Variants in KCNJ3 observed in about 807,000 individuals in gnomAD.
The protein encoded by KCNJ3 is potassium inwardly rectifying channel subfamily J member 3, also known as G protein-activated inward rectifier potassium channel 1.
KCNJ3 carries 4 observed loss-of-function variants against 39.2 expected under a neutral mutation model. That is an observed-to-expected ratio of 0.10 (90% CI 0.05 to 0.23). KCNJ3 has a LOEUF of 0.23. KCNJ3 is among the 10% of genes least tolerant of loss of function. KCNJ3 has a pLI of 1.00. For missense variants in KCNJ3, 276 were observed against 634.9 expected (o/e 0.43, Z 6.08); for synonymous variants, 230 against 237.4 (o/e 0.97, Z 0.29).
Position 154,857,886 on chromosome 2 carries a change from C to CAAGAAAAAAAAAAA in KCNJ3, c.*2575_*2576insGAAAAAAAAAAAAA, listed in dbSNP as rs1687867142. On this transcript the variant is annotated 3_prime_UTR_variant, in exon 3 of 3. Transcript: ENST00000295101. Reference sequence around the variant, plus strand: ...ACAGTGCGAGACTCCATCTCAACATCAAAAAAAAAAAAAAAAAAAAAAAAA... The same window carrying CAAGAAAAAAAAAAA: ...ACAGTGCGAGACTCCATCTCAACATCAAGAAAAAAAAAAAAAAAAAAAAAAAAAAAAAAAAAAAA... 1 of 41,966 alleles carries CAAGAAAAAAAAAAA rather than the reference C, an allele frequency of 2.4e-5. No homozygotes were observed. Among genetic ancestry groups the CAAGAAAAAAAAAAA allele is most frequent in the Non-Finnish European group, 4.1e-5 (1 of 24,264 alleles). 2.6% of individuals were successfully genotyped at this position (41,966 alleles called of 1,614,324 possible). A position where few individuals can be genotyped will look rare whatever the true frequency, so the allele number is the denominator to read the frequency against.
chr2:154,824,210 C>T (rs889573032), intron 2 of KCNJ3, among the ~76,000 whole-genome samples: 1 of 152,200 alleles, frequency 6.6e-6, no homozygotes, highest in Middle Eastern at 3.4e-3. Flanking sequence ...TGGCATACAC[C>T]TGTAGTCCCA....
chr2:154,850,145 TCAC>T (rs1009504206), intron 2 of KCNJ3, among the ~76,000 whole-genome samples: 12 of 151,516 alleles, frequency 7.9e-5, no homozygotes, highest in African/African-American at 2.4e-4. Context: ...GTGTTGATTT[TCAC>T]CACATTTGTT....
At chr2:154,833,029 T>G (rs910631975) in intron 2 of KCNJ3, among the ~76,000 whole-genome samples, 2 of 152,222 alleles carry the variant, frequency 1.3e-5, no homozygotes, top group Admixed American at 1.3e-4. Context: ...CTTAAAGGCA[T>G]TGTTTTTAAA....
rs373062062 is a variant in KCNJ3, at chr2:154,850,008, C to CT, written c.920-4683dup. On this transcript the variant is annotated intron_variant, in intron 2 of 2. Coordinates refer to ENST00000295101, the MANE Select transcript of KCNJ3 (RefSeq NM_002239.4). Reference sequence around the variant, plus strand: ...TTGCAATGCAATGTACAGAATAAATCTTTTTTTTTTTTTTTTTTTTTTTTT... The same window carrying CT: ...TTGCAATGCAATGTACAGAATAAATCTTTTTTTTTTTTTTTTTTTTTTTTTT... Among the ~76,000 whole-genome samples the CT allele has an allele frequency of 8.6e-4, 42 of 48,856 alleles. 7 individuals are homozygous for CT. The highest frequency in any genetic ancestry group is 1.2e-3 in the Non-Finnish European group (34 of 27,950). 32.1% of individuals were successfully genotyped at this position (48,856 alleles called of 152,430 possible).
intron 2 of KCNJ3, among the ~76,000 whole-genome samples, chr2:154,730,129 A>G (rs1685426596): frequency 6.6e-6 from 1 of 151,984 alleles, no homozygotes; most frequent in African/African-American, 2.4e-5. Flanking sequence ...AAATGATGCA[A>G]CTAAGGACCA....
At chr2:154,770,483 G>C (rs545306826) in intron 2 of KCNJ3, among the ~76,000 whole-genome samples, 3 of 151,832 alleles carry the variant, frequency 2.0e-5, no homozygotes, top group East Asian at 3.9e-4. Flanking sequence ...TTTCTTGCCT[G>C]TAGTGTTTTA....
At chr2:154,703,381 TA>T (rs1448705246) in intron 1 of KCNJ3, among the ~76,000 whole-genome samples, 1 of 152,062 alleles carries the variant, frequency 6.6e-6, no homozygotes, top group Non-Finnish European at 1.5e-5. Flanking sequence ...GTGCAATCCT[TA>T]ACTTTCACTT....
At position 154,699,390 on chromosome 2, in the gene KCNJ3, G is replaced by A. The variant is rs753335201; in HGVS notation, c.615G>A (p.Arg205=). 6.2e-5 allele frequency: 99 copies of A among 1,609,634 alleles called. No individual in the cohort carries two copies. The highest frequency in any genetic ancestry group is 7.8e-5 in the Non-Finnish European group (92 of 1,180,010). ...MFSEHAVISM[R]DGKLTLMFRV... is the part of the protein sequence containing the mutation. ...GCGAGCACGCGGTGATCTCCATGAG[G>A]GACGGAAAACTCACGCTTATGTTCC... Residue 205 remains arginine (R), a synonymous_variant, in exon 1 of 3, where the codon AGG becomes AGA. Transcript: ENST00000295101. The surrounding 1 kb of genome is among the most constrained non-coding windows in gnomAD (Gnocchi z 6.4).
chr2:154,842,249 T>G (rs567213245), intron 2 of KCNJ3, among the ~76,000 whole-genome samples: 10 of 152,326 alleles, frequency 6.6e-5, no homozygotes, highest in African/African-American at 2.2e-4. Context: ...AGTTGTGCAG[T>G]TTTGAATGAG....
chr2:154,747,350 G>A (rs554634116), intron 2 of KCNJ3, among the ~76,000 whole-genome samples: 34 of 151,818 alleles, frequency 2.2e-4, no homozygotes, highest in Non-Finnish European at 3.8e-4. Context: ...GTTTTTGAGG[G>A]GGAAATTGAA....
intron 2 of KCNJ3, among the ~76,000 whole-genome samples, chr2:154,769,380 A>T (rs950316834): frequency 6.6e-6 from 1 of 152,130 alleles, no homozygotes; most frequent in Non-Finnish European, 1.5e-5. Context: ...TAATTTATTG[A>T]GAGTTTTTAG....
chr2:154,702,306 T>C (rs2105145374), intron 1 of KCNJ3, among the ~76,000 whole-genome samples: 1 of 152,096 alleles, frequency 6.6e-6, no homozygotes, highest in East Asian at 1.9e-4. Flanking sequence ...ATGTATTCTT[T>C]TCCTACTACC....
chr2:154,816,223 A>G (rs1687081790), intron 2 of KCNJ3, among the ~76,000 whole-genome samples: 1 of 152,210 alleles, frequency 6.6e-6, no homozygotes, highest in Admixed American at 6.5e-5. Flanking sequence ...AGCTGCAGTA[A>G]GTGAGTTAAA....
intron 2 of KCNJ3, among the ~76,000 whole-genome samples, chr2:154,724,716 A>AT (rs936085216): frequency 6.6e-6 from 1 of 151,688 alleles, no homozygotes. Context: ...GAAAATGAAG[A>AT]TTTTTTAACT....
intron 2 of KCNJ3, among the ~76,000 whole-genome samples, chr2:154,828,759 A>G (rs760355139): frequency 2.6e-5 from 4 of 152,148 alleles, no homozygotes; most frequent in African/African-American, 4.8e-5. Context: ...GCCTTTGGGT[A>G]TGTAAAGTCT....
intron 2 of KCNJ3, among the ~76,000 whole-genome samples, chr2:154,727,547 C>T (rs1158707815): frequency 1.4e-5 from 2 of 138,724 alleles, no homozygotes; most frequent in South Asian, 2.3e-4. Flanking sequence ...GAGCCGAGAT[C>T]GTGCCATTGC....
intron 2 of KCNJ3, among the ~76,000 whole-genome samples, chr2:154,808,579 G>T (rs1686956539): frequency 6.6e-6 from 1 of 152,166 alleles, no homozygotes; most frequent in South Asian, 2.1e-4. Context: ...GACCACCTTT[G>T]GTCCAGGTTG....
At position 154,785,446 on chromosome 2, in the gene KCNJ3, T is replaced by G. The variant is rs547452665; in HGVS notation, c.920-69281T>G. On this transcript the variant is annotated intron_variant, in intron 2 of 2. Coordinates refer to ENST00000295101, the MANE Select transcript of KCNJ3 (RefSeq NM_002239.4). The stretch of plus-strand genomic sequence containing the variant: ...CAAAACTCATGCTGAAACTTACTTG[T>G]CATTGTAACAGTATGAAGAGGTGGG... Among the ~76,000 whole-genome samples the G allele has an allele frequency of 2.0e-5, 3 of 152,260 alleles. 1 individual carries two copies. In the South Asian group the frequency reaches 6.2e-4, roughly 32 times the overall value.
chr2:154,774,104 A>G (rs1422488169), intron 2 of KCNJ3, among the ~76,000 whole-genome samples: 1 of 152,182 alleles, frequency 6.6e-6, no homozygotes, highest in Non-Finnish European at 1.5e-5. Context: ...TCATTCAGTA[A>G]TACTTTAATA....
Sources: allele counts gnomAD v4.1 joint callset (sites outside exome capture counted in the v4.1 genomes callset), GRCh38; gene constraint gnomAD v4.1.1; non-coding constraint Gnocchi (gnomAD v3.1); transcripts MANE v1.5; gene names NCBI Gene and HGNC (gene_info 2026-07-23, HGNC 2026-07-21).